The following ARID4B variants were observed in gnomAD, a reference collection of about 807,000 sequenced individuals.
The protein encoded by ARID4B is AT-rich interactive domain-containing protein 4B.
ARID4B carries 26 observed loss-of-function variants against 147.5 expected under a neutral mutation model. The observed-to-expected ratio is 0.18, with a 90% CI of 0.13 to 0.24. The LOEUF (loss-of-function observed/expected upper bound fraction) is 0.24, where lower values mean the gene tolerates loss of function less well. ARID4B is among the 10% of genes least tolerant of loss of function. ARID4B has a pLI of 1.00. For missense variants in ARID4B, 1,179 were observed against 1,511.5 expected, an observed-to-expected ratio of 0.78 and a Z score of 3.65; for synonymous variants, 512 against 507.9, an observed-to-expected ratio of 1.01 and a Z score of -0.11.
chr1:235,249,570 C>T (rs1669510337), intron 6 of ARID4B, among the ~76,000 whole-genome samples: 1 of 150,488 alleles, frequency 6.6e-6, no homozygotes, highest in South Asian at 2.1e-4. Context: ...CCAAGGCAGG[C>T]AGATCATGAG....
intron 2 of ARID4B, among the ~76,000 whole-genome samples, chr1:235,277,551 A>T (rs1263744614): frequency 4.2e-5 from 6 of 143,560 alleles, no homozygotes; most frequent in African/African-American, 1.5e-4. Context: ...AAAAAAAAAA[A>T]TAATAATAAT....
intron 2 of ARID4B, among the ~76,000 whole-genome samples, chr1:235,270,480 A>G (rs904331933): frequency 7.7e-6 from 1 of 129,400 alleles, no homozygotes; most frequent in Middle Eastern, 3.9e-3. Context: ...ACTTTAGGTT[A>G]TAAGTAAATT....
At chr1:235,284,800 G>A (rs959302414) in intron 2 of ARID4B, among the ~76,000 whole-genome samples, 1 of 152,180 alleles carries the variant, frequency 6.6e-6, no homozygotes, top group Non-Finnish European at 1.5e-5. Flanking sequence ...AGGCTGAGAG[G>A]AGAGGACTGC....
rs1422936220 is a variant in ARID4B at position 235,194,186 on chromosome 1, T to C, written c.1952A>G (p.Lys651Arg). Residue 651 changes from lysine (K) to arginine (R), a missense_variant, in exon 19 of 24, where the codon AAA (lysine) becomes AGA (arginine). Around this residue, in one of 10 missense-constraint regions of ARID4B, gnomAD observed 321 missense variants for 342.4 expected, o/e 0.94. Transcript: ENST00000264183. ...IKNKLDKEKD[K>R]DEKYSPKNCK... ...GTTTTTTGGAGAGTATTTTTCATCTTTGTCTTTTTCTTTGTCTAATTTATT... is the reference window on the plus strand; with the variant it reads ...GTTTTTTGGAGAGTATTTTTCATCTCTGTCTTTTTCTTTGTCTAATTTATT... 1 of 1,611,500 alleles carries C rather than the reference T, an allele frequency of 6.2e-7. No homozygotes were observed. The highest frequency in any genetic ancestry group is 1.7e-5 in the Admixed American group (1 of 59,938).
At chr1:235,199,256 A>T (rs975137604) in intron 17 of ARID4B, among the ~76,000 whole-genome samples, 1 of 152,208 alleles carries the variant, frequency 6.6e-6, no homozygotes, top group Admixed American at 6.5e-5. Flanking sequence ...ATCTATAAAT[A>T]TTAGCTAATA....
chr1:235,176,014 T>A (rs1663841314), intron 21 of ARID4B, among the ~76,000 whole-genome samples: 1 of 152,196 alleles, frequency 6.6e-6, no homozygotes, highest in African/African-American at 2.4e-5. Flanking sequence ...CTATTGCTAA[T>A]TAAACTTCAG....
chr1:235,282,284 T>A (rs568979344), intron 2 of ARID4B, among the ~76,000 whole-genome samples: 10 of 152,208 alleles, frequency 6.6e-5, no homozygotes, highest in Non-Finnish European at 1.5e-4. Context: ...AAACCCAAGA[T>A]CTACTTGAGA....
chr1:235,296,042 C>T, intron 2 of ARID4B: 1 of 159,198 alleles, frequency 6.3e-6, no homozygotes, highest in Non-Finnish European at 1.4e-5. Flanking sequence ...GTTCTGGAGG[C>T]AGCCCAAATA....
intron 19 of ARID4B, among the ~76,000 whole-genome samples, chr1:235,186,309 A>G (rs891338584): frequency 2.0e-5 from 3 of 151,892 alleles, no homozygotes; most frequent in African/African-American, 7.3e-5. Flanking sequence ...AGATTAATAC[A>G]TTATGTAACC....
chr1:235,294,455 C>A (rs1485922631), intron 2 of ARID4B, among the ~76,000 whole-genome samples: 8 of 93,594 alleles, frequency 8.5e-5, no homozygotes, highest in African/African-American at 3.2e-4. Flanking sequence ...GCAATTCTCC[C>A]GCTTGAACCC....
intron 17 of ARID4B, among the ~76,000 whole-genome samples, chr1:235,213,567 A>AT (rs1470033274): frequency 6.6e-6 from 1 of 151,746 alleles, no homozygotes; most frequent in African/African-American, 2.4e-5. Context: ...TTTTCTAGAC[A>AT]TTAGGGATAT....
At chr1:235,174,042 C>CTT (rs753651970) in intron 22 of ARID4B, among the ~76,000 whole-genome samples, 1 of 142,248 alleles carries the variant, frequency 7.0e-6, no homozygotes, top group Non-Finnish European at 1.5e-5. Flanking sequence ...TCAGAAGTAT[C>CTT]TTTTTTTTTT....
chr1:235,187,908 A>C (rs182875438), intron 19 of ARID4B, among the ~76,000 whole-genome samples: 155 of 152,320 alleles, frequency 1.0e-3, no homozygotes, highest in African/African-American at 3.4e-3. Context: ...GAAAGGATCA[A>C]AATGTCTTTT....
At position 235,175,252 on chromosome 1, in the gene ARID4B, T is replaced by A. The variant is rs756841820; in HGVS notation, c.3596A>T (p.Asp1199Val). 6.2e-7 allele frequency: 1 copy of A among 1,614,226 alleles called. No homozygotes were observed. Among genetic ancestry groups the A allele is most frequent in the South Asian group, 1.1e-5 (1 of 91,084 alleles). Residue 1199 changes from aspartate to valine, a missense_variant, in exon 22 of 24, where the codon GAT becomes GTT. Asp to Val is a radical substitution (Grantham distance 152, BLOSUM62 -3). Around this residue, in one of 10 missense-constraint regions of ARID4B, gnomAD observed 357 missense variants for 427.3 expected, o/e 0.84. Coordinates refer to ENST00000264183, the MANE Select transcript of ARID4B (RefSeq NM_016374.6). ...GGGTTCCTTGAGATCAGGATCCTTATCACCATTCTTTCCACATTTTCCTGG... is the reference window on the plus strand; with the variant it reads ...GGGTTCCTTGAGATCAGGATCCTTAACACCATTCTTTCCACATTTTCCTGG... Reference protein sequence around the residue: ...QSPGKCGKNGDKDPDLKEPSN... With the variant: ...QSPGKCGKNGVKDPDLKEPSN...
intron 19 of ARID4B, among the ~76,000 whole-genome samples, chr1:235,190,341 G>A (rs556322706): frequency 2.0e-5 from 3 of 152,122 alleles, no homozygotes; most frequent in East Asian, 3.9e-4. Flanking sequence ...CCACCTACTC[G>A]GGAGGCTGAG....
At chr1:235,273,258 G>C (rs2103151946) in intron 2 of ARID4B, among the ~76,000 whole-genome samples, 1 of 152,218 alleles carries the variant, frequency 6.6e-6, no homozygotes, top group South Asian at 2.1e-4. Flanking sequence ...TGGCCAGGCT[G>C]GTCTCGAACT....
chr1:235,177,725 A>G lies in ARID4B; in HGVS notation c.3448+75T>C, dbSNP rs760897452. ...AATAGTGTACTATCCCATACCCTGAATACCATTTTCTTACTGGGGGTAAAA... is the reference window on the plus strand; with the variant it reads ...AATAGTGTACTATCCCATACCCTGAGTACCATTTTCTTACTGGGGGTAAAA... On this transcript the variant is annotated intron_variant, in intron 21 of 23. Transcript: ENST00000264183. 4.1e-6 allele frequency: 4 copies of G among 974,826 alleles called. No individual in the cohort carries two copies. In the Admixed American group the frequency reaches 8.7e-5, roughly 21 times the overall value. 60.4% of individuals were successfully genotyped at this position (974,826 alleles called of 1,614,324 possible).
intron 19 of ARID4B, chr1:235,190,035 T>C (rs1222559285): frequency 1.3e-5 from 2 of 154,070 alleles, no homozygotes; most frequent in South Asian, 2.0e-4. Flanking sequence ...GATGAAAATA[T>C]ATCTACACAA....
intron 11 of ARID4B, among the ~76,000 whole-genome samples, chr1:235,226,525 T>A (rs1572024429): frequency 6.6e-6 from 1 of 150,518 alleles, no homozygotes; most frequent in Non-Finnish European, 1.5e-5. Context: ...CACGCCCAGC[T>A]AATTTTTTTT....
Sources: gnomAD v4.1 joint callset for allele counts (sites outside exome capture counted in the v4.1 genomes callset) on GRCh38, gnomAD v4.1.1 for gene constraint, gnomAD v4.1.1 regional missense constraint, MANE v1.5 for transcripts, NCBI Gene and HGNC (gene_info 2026-07-23, HGNC 2026-07-21) for gene names.